Variants in ITGB1 observed in about 807,000 individuals in gnomAD.
ITGB1 encodes integrin subunit beta 1, also known as integrin beta-1.
ITGB1 carries 24 observed loss-of-function variants against 86.5 expected under a neutral mutation model. The observed-to-expected ratio is 0.28, with a 90% CI of 0.20 to 0.39. The LOEUF is 0.39. Among genes scored for constraint, ITGB1 ranks in the 10% least tolerant of loss-of-function variants. The pLI is 1.00. For missense variants in ITGB1, 556 were observed against 946.9 expected, an observed-to-expected ratio of 0.59 and a Z score of 5.42; for synonymous variants, 323 against 316.8, an observed-to-expected ratio of 1.02 and a Z score of -0.21.
intron 2 of ITGB1, 58 bp from the exon 3 acceptor site, chr10:32,932,658 GA>G: frequency 1.0e-6 from 1 of 971,520 alleles, no homozygotes; most frequent in Non-Finnish European, 1.7e-6. Flanking sequence ...AGAAAATAAT[GA>G]AAAATCAGAA....
intron 11 of ITGB1, among the ~76,000 whole-genome samples, chr10:32,915,950 A>G (rs575165184): frequency 3.5e-4 from 53 of 152,348 alleles, no homozygotes; most frequent in African/African-American, 1.2e-3. Flanking sequence ...GCAGCACATC[A>G]AAAAGCTTAT....
rs977075226 is a variant in ITGB1, at chr10:32,920,909, G to A, written c.1129-524C>T. ...GAGACAGAAGAATCGCCTGAACCCG[G>A]GAGGCAGGGGTTGCAGTGAGCCAAG... On this transcript the variant is annotated intron_variant, in intron 9 of 15. Transcript: ENST00000302278. Among the ~76,000 whole-genome samples the A allele has an allele frequency of 9.9e-5, 15 of 151,944 alleles. 3 individuals are homozygous for A. Among genetic ancestry groups the A allele is most frequent in the Admixed American group, 9.8e-4 (15 of 15,252 alleles).
In ITGB1 at chr10:32,923,663, C is replaced by T. The variant is rs2094956564; in HGVS notation, c.864G>A (p.Gly288=). The T allele has an allele frequency of 1.2e-6, 2 of 1,613,878 alleles. No homozygotes were observed. Among genetic ancestry groups the T allele is most frequent in the Middle Eastern group, 1.7e-4 (1 of 6,060 alleles). The part of the protein sequence containing the change: ...TDAGFHFAGD[G]KLGGIVLPND... ...TTGGTAAAACAATGCCACCAAGTTT[C>T]CCATCTCCAGCAAAGTGAAACCCGG... Residue 288 remains glycine, a synonymous_variant, in exon 7 of 16, where the codon GGG becomes GGA. Transcript: ENST00000302278.
At chr10:32,938,625 G>A (rs368752265) in intron 1 of ITGB1, among the ~76,000 whole-genome samples, 1 of 152,190 alleles carries the variant, frequency 6.6e-6, no homozygotes, top group Non-Finnish European at 1.5e-5. Flanking sequence ...GGAAGCAGGC[G>A]AAACAAGGCT....
intron 11 of ITGB1, among the ~76,000 whole-genome samples, chr10:32,918,313 T>G (rs891425460): frequency 6.6e-6 from 1 of 152,112 alleles, no homozygotes; most frequent in Admixed American, 6.5e-5. Context: ...CTGCACGTTT[T>G]GCACATGTAC....
At chr10:32,914,543 C>G (rs2094925441) in intron 11 of ITGB1, among the ~76,000 whole-genome samples, 2 of 151,992 alleles carry the variant, frequency 1.3e-5, no homozygotes, top group Admixed American at 6.6e-5. Context: ...GACTTTAAAC[C>G]AACAAAGATC....
chr10:32,928,388 T>C (rs1430776706), intron 4 of ITGB1, 124 bp from the exon 5 acceptor site: 1 of 554,554 alleles, frequency 1.8e-6, no homozygotes. Flanking sequence ...TCATAATTTT[T>C]ACAAAAACCT....
intron 15 of ITGB1, chr10:32,907,015 A>C: frequency 1.1e-6 from 1 of 944,288 alleles, no homozygotes; most frequent in South Asian, 1.3e-5. Flanking sequence ...TGCAGTAAAA[A>C]AGATAGAAGT....
chr10:32,955,088 CT>C (rs1248662588), intron 1 of ITGB1, among the ~76,000 whole-genome samples: 3 of 152,054 alleles, frequency 2.0e-5, no homozygotes. Flanking sequence ...ACCATAATAT[CT>C]TTTCAGTTTT....
intron 1 of ITGB1, among the ~76,000 whole-genome samples, chr10:32,938,105 A>G (rs1593879265): frequency 6.6e-6 from 1 of 152,346 alleles, no homozygotes; most frequent in East Asian, 1.9e-4. Context: ...CCAAGAGACC[A>G]GCAAAATCTG....
chr10:32,923,324 G>A (rs939560689), intron 7 of ITGB1, among the ~76,000 whole-genome samples: 2 of 152,176 alleles, frequency 1.3e-5, no homozygotes, highest in African/African-American at 2.4e-5. Context: ...GGGGAGTTGA[G>A]GCAAAGAGTG....
intron 3 of ITGB1, among the ~76,000 whole-genome samples, chr10:32,931,478 G>A (rs972629452): frequency 6.6e-6 from 1 of 152,054 alleles, no homozygotes; most frequent in Non-Finnish European, 1.5e-5. Flanking sequence ...AATAGATAAA[G>A]CGGATATTAT....
In ITGB1 at chr10:32,925,940, C is replaced by G; in HGVS notation, c.717G>C (p.Gln239His). The change falls in exon 6 of 16, where the codon CAG (glutamine) becomes CAC (histidine). Residue 239 changes from glutamine (Q) to histidine (H), a missense_variant. This residue lies in a region of ITGB1 where 183 missense variants were observed against 263.9 expected (regional missense o/e 0.69). Transcript: ENST00000302278. ...GEVFNELVGK[Q>H]RISGNLDSPE... ...GAGAATCCAAATTTCCAGATATGCGCTGTTTTCCAACAAGTTCATTAAATA... is the reference window on the plus strand; with the variant it reads ...GAGAATCCAAATTTCCAGATATGCGGTGTTTTCCAACAAGTTCATTAAATA... 2 of 1,614,106 alleles carry G rather than the reference C, an allele frequency of 1.2e-6. No individual in the cohort carries two copies. The highest frequency in any genetic ancestry group is 1.7e-6 in the Non-Finnish European group (2 of 1,179,984).
chr10:32,927,502 G>C (rs1182361117), intron 5 of ITGB1, among the ~76,000 whole-genome samples: 1 of 152,140 alleles, frequency 6.6e-6, no homozygotes, highest in Non-Finnish European at 1.5e-5. Flanking sequence ...TATAAAATAA[G>C]TCATAAGGGC....
At chr10:32,925,347 T>C (rs2094961455) in intron 6 of ITGB1, among the ~76,000 whole-genome samples, 1 of 152,226 alleles carries the variant, frequency 6.6e-6, no homozygotes, top group South Asian at 2.1e-4. Context: ...TCTATTCATA[T>C]AGGTTAAAAA....
intron 1 of ITGB1, among the ~76,000 whole-genome samples, chr10:32,947,280 A>G (rs182716529): frequency 6.7e-6 from 1 of 149,654 alleles, no homozygotes; most frequent in Admixed American, 6.8e-5. Flanking sequence ...ATCTGAATAA[A>G]CTGAAATTTC....
At position 32,924,243 on chromosome 10, in the gene ITGB1, GAAAT is replaced by G. The variant is rs2094958316; in HGVS notation, c.787-507_787-504del. ...TATGAGGCTTCCTTTTTTTATAACA[GAAAT>G]AAGTATCTTGTTTAAGGATAATTTC... On this transcript the variant is annotated intron_variant, in intron 6 of 15. Transcript: ENST00000302278. Among the ~76,000 whole-genome samples the G allele has an allele frequency of 3.3e-5, 5 of 152,204 alleles. 1 individual carries two copies. Among genetic ancestry groups the G allele is most frequent in the African/African-American group, 1.2e-4 (5 of 41,532 alleles).
At chr10:32,907,198 A>ATAGTGTTTGAACATT in intron 15 of ITGB1, 1 of 734,662 alleles carries the variant, frequency 1.4e-6, no homozygotes, top group South Asian at 1.4e-5. Flanking sequence ...AAATCCCTTT[A>ATAGTGTTTGAACATT]TAGTGTTTGA....
At chr10:32,939,628 A>G (rs948366490) in intron 1 of ITGB1, among the ~76,000 whole-genome samples, 12 of 152,206 alleles carry the variant, frequency 7.9e-5, no homozygotes, top group African/African-American at 2.9e-4. Context: ...CTACACAGTA[A>G]AAGTATGGTA....
Sources: gnomAD v4.1 joint callset for allele counts (sites outside exome capture counted in the v4.1 genomes callset) on GRCh38, gnomAD v4.1.1 for gene constraint, gnomAD v4.1.1 regional missense constraint, MANE v1.5 for transcripts, NCBI Gene and HGNC (gene_info 2026-07-23, HGNC 2026-07-21) for gene names.